COL13A1: variants seen among roughly 807,000 people sequenced by gnomAD.
COL13A1 encodes the protein collagen alpha-1(XIII) chain.
A neutral mutation model predicts 130.9 loss-of-function variants in COL13A1; 89 were observed. That is an observed-to-expected ratio of 0.68 (90% CI 0.57 to 0.81). The LOEUF is 0.81. Among genes scored for constraint, COL13A1 ranks in the 30% least tolerant of loss-of-function variants. The pLI is 0.00. For synonymous variants in COL13A1, 402 were observed against 341.6 expected (o/e 1.18, Z -1.95); for missense variants, 879 against 934.6 (o/e 0.94, Z 0.78).
At chr10:69,922,839 G>A in intron 23 of COL13A1, 45 bp downstream of exon 23, 5 of 1,376,232 alleles carry the variant, frequency 3.6e-6, no homozygotes, top group Non-Finnish European at 4.9e-6. Context: ...CTTACCTGGG[G>A]ACTTTGTCTT....
chr10:69,863,520 G>A (rs1433398461), intron 2 of COL13A1, among the ~76,000 whole-genome samples: 2 of 152,094 alleles, frequency 1.3e-5, no homozygotes, highest in African/African-American at 4.8e-5. Context: ...GTCAGAAGAT[G>A]GTTCAGATGA....
chr10:69,876,575 C>A (rs1191614578), intron 5 of COL13A1, among the ~76,000 whole-genome samples: 2 of 152,202 alleles, frequency 1.3e-5, no homozygotes, highest in Non-Finnish European at 2.9e-5. Flanking sequence ...GGAATTGCTG[C>A]CCGGCCCTGT....
intron 2 of COL13A1, among the ~76,000 whole-genome samples, chr10:69,843,750 T>C (rs919802891): frequency 1.3e-5 from 2 of 152,100 alleles, no homozygotes; most frequent in Non-Finnish European, 1.5e-5. Flanking sequence ...GCCATGACGG[T>C]GATGGTGGTC....
At chr10:69,925,236 G>A (rs1659872142) in intron 25 of COL13A1, among the ~76,000 whole-genome samples, 1 of 152,208 alleles carries the variant, frequency 6.6e-6, no homozygotes, top group African/African-American at 2.4e-5. Flanking sequence ...TCCACACACT[G>A]CAAGGGAAAA....
chr10:69,836,325 C>T (rs748349689), intron 2 of COL13A1, among the ~76,000 whole-genome samples: 27 of 151,920 alleles, frequency 1.8e-4, no homozygotes, highest in Non-Finnish European at 2.4e-4. Context: ...GGAGGCCGGC[C>T]CCAATCAAGG....
At chr10:69,850,151 C>A (rs1854332707) in intron 2 of COL13A1, among the ~76,000 whole-genome samples, 1 of 151,934 alleles carries the variant, frequency 6.6e-6, no homozygotes, top group South Asian at 2.1e-4. Flanking sequence ...AGACGAGATC[C>A]AAATGTCCAT....
intron 23 of COL13A1, among the ~76,000 whole-genome samples, chr10:69,923,491 C>G (rs1277362486): frequency 6.6e-6 from 1 of 152,240 alleles, no homozygotes; most frequent in Non-Finnish European, 1.5e-5. Flanking sequence ...TTCATTCCGC[C>G]CATATCCACC....
intron 6 of COL13A1, 94 bp downstream of exon 6, chr10:69,878,159 C>A (rs2059792582): frequency 2.9e-6 from 2 of 688,004 alleles, no homozygotes; most frequent in Non-Finnish European, 5.4e-6. Context: ...CCCATGAAAG[C>A]CGCAGCAGAG....
At chr10:69,817,664 G>T (rs1261631463) in intron 1 of COL13A1, among the ~76,000 whole-genome samples, 2 of 152,042 alleles carry the variant, frequency 1.3e-5, no homozygotes, top group Admixed American at 6.5e-5. Context: ...TAGTGAACAG[G>T]GCGGGTGTCA....
chr10:69,852,332 C>T (rs60277652), intron 2 of COL13A1, among the ~76,000 whole-genome samples: 3 of 152,350 alleles, frequency 2.0e-5, no homozygotes, highest in African/African-American at 4.8e-5. Context: ...TAAGCCAATA[C>T]TTGTATGGTG....
intron 1 of COL13A1, among the ~76,000 whole-genome samples, chr10:69,810,154 G>C (rs2132218184): frequency 6.6e-6 from 1 of 152,290 alleles, no homozygotes; most frequent in Admixed American, 6.5e-5. Context: ...CACTGATCCA[G>C]ATGTCCTCAA....
rs958534681 is a variant in COL13A1, at chr10:69,842,420, G to A, written c.364+19982G>A. On this transcript the variant is annotated intron_variant, in intron 2 of 40. Transcript: ENST00000645393. ...GGACTATTACACTGGCTTCTGTACAGAGCAGGAAAAATAACCAAGTGCCCT... is the reference window on the plus strand; with the variant it reads ...GGACTATTACACTGGCTTCTGTACAAAGCAGGAAAAATAACCAAGTGCCCT... Among the ~76,000 whole-genome samples, 4 of 152,152 alleles carry A rather than the reference G, an allele frequency of 2.6e-5. No individual in the cohort carries two copies. The South Asian group carries it at 6.2e-4, about 24-fold the overall frequency.
intron 32 of COL13A1, among the ~76,000 whole-genome samples, chr10:69,936,042 AGGAGGGAG>A (rs1225568338): frequency 7.9e-6 from 1 of 125,868 alleles, no homozygotes; most frequent in African/African-American, 2.9e-5. Flanking sequence ...AAAGAGAGGG[AGGAGGGAG>A]GGAGGGAGGG....
chr10:69,912,361 G>A (rs745555601), intron 17 of COL13A1, among the ~76,000 whole-genome samples: 8 of 152,182 alleles, frequency 5.3e-5, no homozygotes, highest in Non-Finnish European at 8.8e-5. Flanking sequence ...GGATTTCCGC[G>A]GTTCCGGTCC....
intron 40 of COL13A1, among the ~76,000 whole-genome samples, chr10:69,957,712 AG>A (rs1024821502): frequency 6.6e-6 from 1 of 152,176 alleles, no homozygotes; most frequent in African/African-American, 2.4e-5. Context: ...AGGGCTGCCC[AG>A]GCAGACAGAG....
intron 13 of COL13A1, among the ~76,000 whole-genome samples, chr10:69,896,955 C>G (rs2061707643): frequency 6.6e-6 from 1 of 152,340 alleles, no homozygotes; most frequent in African/African-American, 2.4e-5. Context: ...AAGACAACAT[C>G]CCCCAGCACA....
chr10:69,808,220 T>C (rs536473338), intron 1 of COL13A1, among the ~76,000 whole-genome samples: 12 of 152,252 alleles, frequency 7.9e-5, no homozygotes, highest in African/African-American at 2.9e-4. Context: ...TCAAACACCA[T>C]TCCATCTGCC....
intron 32 of COL13A1, among the ~76,000 whole-genome samples, chr10:69,935,642 T>C (rs188801246): frequency 8.3e-4 from 126 of 152,334 alleles, no homozygotes; most frequent in Admixed American, 2.4e-3. Context: ...GTCCCTTGTC[T>C]CTAAGCTCTG....
At chr10:69,812,620 C>T (rs1843352335) in intron 1 of COL13A1, among the ~76,000 whole-genome samples, 1 of 152,180 alleles carries the variant, frequency 6.6e-6, no homozygotes, top group African/African-American at 2.4e-5. Flanking sequence ...TGCTGTCTTG[C>T]AGGTTACTTG....
Sources: allele counts gnomAD v4.1 joint callset (sites outside exome capture counted in the v4.1 genomes callset), GRCh38; gene constraint gnomAD v4.1.1; transcripts MANE v1.5; gene names NCBI Gene and HGNC (gene_info 2026-07-23, HGNC 2026-07-21).